DLG1: variants seen among roughly 807,000 people sequenced by gnomAD.
DLG1 encodes the protein discs large MAGUK scaffold protein 1, also known as disks large homolog 1.
Under a neutral mutation model 123.4 loss-of-function variants are expected in DLG1, and 42 were observed. That is an observed-to-expected ratio of 0.34 (90% CI 0.27 to 0.44). DLG1 has a LOEUF of 0.44. Among genes scored for constraint, DLG1 ranks in the 20% least tolerant of loss-of-function variants. DLG1 has a pLI of 1.00. For synonymous variants in DLG1, 317 were observed against 356.2 expected, an observed-to-expected ratio of 0.89 and a Z score of 1.24; for missense variants, 942 against 1,082.6, an observed-to-expected ratio of 0.87 and a Z score of 1.82.
At chr3:197,233,818 C>T (rs531830318) in intron 4 of DLG1, among the ~76,000 whole-genome samples, 1 of 152,334 alleles carries the variant, frequency 6.6e-6, no homozygotes, top group East Asian at 1.9e-4. Flanking sequence ...CCGTGCCCAG[C>T]CTTAAAGGTT....
Position 197,076,691 on chromosome 3 carries a change from GAAGA to G in DLG1, c.1906-10_1906-7del, listed in dbSNP as rs760622758. On this transcript the variant is annotated splice_region_variant and splice_polypyrimidine_tract_variant and intron_variant, in intron 17 of 24. Transcript: ENST00000667157. Reference sequence around the variant, plus strand: ...CGCTTGTCATTGAATGACTGCTGAAGAAGAGAAGGAGGGGCAAAACAAAGGGATG... The same window carrying G: ...CGCTTGTCATTGAATGACTGCTGAAGGAAGGAGGGGCAAAACAAAGGGATG... 26 of 1,608,958 alleles carry G rather than the reference GAAGA, an allele frequency of 1.6e-5. No individual in the cohort carries two copies. The highest frequency in any genetic ancestry group is 1.9e-5 in the Non-Finnish European group (22 of 1,176,108).
At chr3:197,092,141 T>C (rs768164755) in intron 14 of DLG1, among the ~76,000 whole-genome samples, 1 of 152,204 alleles carries the variant, frequency 6.6e-6, no homozygotes, top group African/African-American at 2.4e-5. Context: ...CCATGGCAAG[T>C]TGTCTTTGGT....
At chr3:197,139,300 T>C (rs1786723914) in intron 8 of DLG1, among the ~76,000 whole-genome samples, 1 of 152,178 alleles carries the variant, frequency 6.6e-6, no homozygotes, top group Admixed American at 6.5e-5. Context: ...AGGAAGTAAA[T>C]GTCTACATTT....
intron 4 of DLG1, among the ~76,000 whole-genome samples, chr3:197,213,321 C>T (rs1441701723): frequency 6.6e-6 from 1 of 152,056 alleles, no homozygotes; most frequent in Non-Finnish European, 1.5e-5. Flanking sequence ...AAGAGTCTTA[C>T]TGTATGAATC....
Position 197,194,582 on chromosome 3 carries a change from C to G in DLG1, c.326G>C (p.Arg109Thr). Reference protein sequence around the residue: ...SSLSPSVEKYRYQDEDTPPQE... With the variant: ...SSLSPSVEKYTYQDEDTPPQE... The stretch of plus-strand genomic sequence containing the variant: ...AGGAGGTGTATCTTCATCCTGATAC[C>G]TGTATTTCTGTAAAGAAAATAAACA... The change falls in exon 5 of 25, where the codon AGG becomes ACG. Residue 109 changes from arginine (R) to threonine (T), a missense_variant. Coordinates refer to ENST00000667157, the MANE Select transcript of DLG1 (RefSeq NM_001366207.1). 1 of 1,578,104 alleles carries G rather than the reference C, an allele frequency of 6.3e-7. No homozygotes were observed. Among genetic ancestry groups the G allele is most frequent in the Non-Finnish European group, 8.6e-7 (1 of 1,168,350 alleles).
At chr3:197,244,885 G>T (rs923778912) in intron 4 of DLG1, among the ~76,000 whole-genome samples, 2 of 152,176 alleles carry the variant, frequency 1.3e-5, no homozygotes, top group African/African-American at 4.8e-5. Context: ...TGAGGGAAGA[G>T]AAAGTGGAAG....
intron 4 of DLG1, among the ~76,000 whole-genome samples, chr3:197,269,772 A>C (rs1224210475): frequency 6.6e-6 from 1 of 152,210 alleles, no homozygotes; most frequent in African/African-American, 2.4e-5. Flanking sequence ...CTAACATCCC[A>C]AATTATTACA....
rs562559726 is a variant in DLG1, at chr3:197,052,130, C to T, written c.2484-462G>A. The stretch of plus-strand genomic sequence containing the variant: ...TGCTGGGATTACAGATGTGAGCCAC[C>T]GAGCCCAGCCTGTTTCTGGGATTTT... On this transcript the variant is annotated intron_variant, in intron 23 of 24. Transcript: ENST00000667157. Among the ~76,000 whole-genome samples the T allele has an allele frequency of 5.9e-5, 9 of 152,060 alleles. No homozygotes were observed. The East Asian group carries it at 1.4e-3, about 23-fold the overall frequency.
chr3:197,206,099 T>C (rs966662267), intron 4 of DLG1, among the ~76,000 whole-genome samples: 3 of 152,174 alleles, frequency 2.0e-5, no homozygotes, highest in African/African-American at 7.2e-5. Flanking sequence ...AGGGGCTATC[T>C]ATAGGGCACA....
chr3:197,229,906 T>C (rs890081923), intron 4 of DLG1, among the ~76,000 whole-genome samples: 2 of 152,254 alleles, frequency 1.3e-5, no homozygotes, highest in African/African-American at 4.8e-5. Flanking sequence ...GTCCATTTGA[T>C]AAATGAGAGA....
chr3:197,213,898 G>A (rs1732616873), intron 4 of DLG1, among the ~76,000 whole-genome samples: 1 of 152,162 alleles, frequency 6.6e-6, no homozygotes, highest in East Asian at 1.9e-4. Context: ...TGGCATATGA[G>A]AAGAAAATTC....
At chr3:197,048,698 C>G (rs753702565) in intron 24 of DLG1, among the ~76,000 whole-genome samples, 2 of 152,114 alleles carry the variant, frequency 1.3e-5, no homozygotes, top group African/African-American at 2.4e-5. Context: ...TCTTGTTGCC[C>G]AGGCTGGAGT....
chr3:197,068,601 AC>A (rs1741387599), intron 19 of DLG1: 1 of 1,055,638 alleles, frequency 9.5e-7, no homozygotes. Flanking sequence ...TTAAGGTGCT[AC>A]AACTGATATT....
chr3:197,233,534 G>A (rs1039698978), intron 4 of DLG1, among the ~76,000 whole-genome samples: 10 of 152,220 alleles, frequency 6.6e-5, no homozygotes, highest in South Asian at 2.1e-4. Flanking sequence ...TTACAGGTGC[G>A]CACCACGATG....
chr3:197,260,330 T>C, intron 4 of DLG1: 1 of 407,442 alleles, frequency 2.5e-6, no homozygotes, highest in Non-Finnish European at 4.8e-6. Flanking sequence ...GCAAAACTAT[T>C]TTAAGTTGCC....
intron 6 of DLG1, among the ~76,000 whole-genome samples, chr3:197,148,245 C>CACAAAAAA (rs1397212701): frequency 2.8e-4 from 12 of 43,290 alleles, no homozygotes; most frequent in Admixed American, 3.6e-4. Context: ...ACCAAAAATA[C>CACAAAAAA]AAAAAAAAAA....
intron 6 of DLG1, 24 bp downstream of exon 6, chr3:197,149,719 A>G (rs769410064): frequency 3.3e-6 from 5 of 1,496,178 alleles, no homozygotes; most frequent in African/African-American, 1.4e-5. Flanking sequence ...AATTACTTCA[A>G]TGTGGGGAGG....
At chr3:197,129,334 ACCAACC>A (rs1302974959) in intron 11 of DLG1, among the ~76,000 whole-genome samples, 1 of 152,142 alleles carries the variant, frequency 6.6e-6, no homozygotes, top group Non-Finnish European at 1.5e-5. Context: ...AACCTCATGA[ACCAACC>A]CCTGCTAGCC....
intron 11 of DLG1, among the ~76,000 whole-genome samples, chr3:197,124,071 C>T (rs1777766175): frequency 6.6e-6 from 1 of 152,088 alleles, no homozygotes; most frequent in Non-Finnish European, 1.5e-5. Context: ...AGTGAGACCC[C>T]ATCTCTACAA....
Sources: allele counts gnomAD v4.1 joint callset (sites outside exome capture counted in the v4.1 genomes callset), GRCh38; gene constraint gnomAD v4.1.1; transcripts MANE v1.5; gene names NCBI Gene and HGNC (gene_info 2026-07-23, HGNC 2026-07-21).